COL9A3: variants seen among roughly 807,000 people sequenced by gnomAD.
COL9A3 encodes the protein collagen alpha-3(IX) chain.
In COL9A3, 82 loss-of-function variants were observed where a neutral mutation model predicts 110.2. The ratio of observed to expected loss-of-function variants is 0.74; its 90% CI spans 0.62 to 0.89. The LOEUF (loss-of-function observed/expected upper bound fraction) is 0.89, where lower values mean the gene tolerates loss of function less well. COL9A3 is among the 40% of genes least tolerant of loss of function. COL9A3 has a pLI of 0.00. For missense variants in COL9A3, 1,066 were observed against 981.3 expected (o/e 1.09, Z -1.15); for synonymous variants, 494 against 403.8 (o/e 1.22, Z -2.68).
At chr20:62,828,693 C>A (rs1038112059) in intron 17 of COL9A3, 71 bp from the exon 18 acceptor site, 6 of 1,558,106 alleles carry the variant, frequency 3.9e-6, no homozygotes, top group African/African-American at 1.4e-5. Flanking sequence ...GGAGGCTGCC[C>A]CCAGGGCAGG....
chr20:62,825,389 G>T, intron 12 of COL9A3: 1 of 333,282 alleles, frequency 3.0e-6, no homozygotes, highest in Non-Finnish European at 5.5e-6. Context: ...TGTGAGGATG[G>T]CTGGCTTTAG....
At chr20:62,829,427 G>A in intron 19 of COL9A3, 28 bp from the exon 20 acceptor site, 1 of 1,612,566 alleles carries the variant, frequency 6.2e-7, no homozygotes, top group Admixed American at 1.7e-5. Context: ...GTAACTGGCA[G>A]CCCTGACCGC....
rs1042345744 is a variant in COL9A3, at chr20:62,817,586, C to A, written c.98C>A (p.Pro33His). 3 of 1,540,640 alleles carry A rather than the reference C, an allele frequency of 1.9e-6. No homozygotes were observed. In the African/African-American group the frequency reaches 4.1e-5, roughly 21 times the overall value. ...AGAQRVGLPG[P>H]PGPPGPPGKP... The stretch of plus-strand genomic sequence containing the variant: ...TTTCAGAGAGTGGGACTCCCCGGCC[C>A]CCCCGGCCCCCCAGGGCCGCCCGGG... Residue 33 changes from proline to histidine, a missense_variant, in exon 2 of 32, where the codon CCC (proline) becomes CAC (histidine). Transcript: ENST00000649368.
At position 62,828,830 on chromosome 20, in the gene COL9A3, C is replaced by T; in HGVS notation, c.954+13C>T. ...CGATGGCCAGAAGGTTGGCATGGGG[C>T]TCAGGGTGTGACGGGAGGGAGGGGG... On this transcript the variant is annotated intron_variant, in intron 18 of 31. Coordinates refer to ENST00000649368, the MANE Select transcript of COL9A3 (RefSeq NM_001853.4). 6.2e-7 allele frequency: 1 copy of T among 1,612,934 alleles called. No homozygotes were observed. The highest frequency in any genetic ancestry group is 8.5e-7 in the Non-Finnish European group (1 of 1,179,998).
Position 62,840,987 on chromosome 20 carries a change from A to C in COL9A3, c.*255A>C, listed in dbSNP as rs546215907. ...AGAAGGTAGGGTGTGTATATATAAA[A>C]GGTTGTGTACAACTCCACGAGGTGA... On this transcript the variant is annotated 3_prime_UTR_variant, in exon 32 of 32. Transcript: ENST00000649368. 5.8e-6 allele frequency: 3 copies of C among 516,236 alleles called. No homozygotes were observed. The highest frequency in any genetic ancestry group is 4.2e-5 in the South Asian group (2 of 47,970). The allele number at this position is 516,236 out of a possible 1,614,324, so 32.0% of individuals were successfully genotyped here.
At chr20:62,828,165 G>C (rs1475081759) in intron 17 of COL9A3, among the ~76,000 whole-genome samples, 189 bp downstream of exon 17, 2 of 152,232 alleles carry the variant, frequency 1.3e-5, no homozygotes, top group Admixed American at 1.3e-4. Context: ...GAGTGTGCAG[G>C]AGTAGGGGCC....
At position 62,829,600 on chromosome 20, in the gene COL9A3, G is replaced by A. The variant is rs1420056124; in HGVS notation, c.1054-28G>A. 3 of 1,610,226 alleles carry A rather than the reference G, an allele frequency of 1.9e-6. No homozygotes were observed. In the South Asian group the frequency reaches 3.3e-5, roughly 18 times the overall value. Reference sequence around the variant, plus strand: ...CCTGGCCCCAGTGCAGGTGTAGGCAGGCACTCACAGCTCTCCTTCCTCTAC... The same window carrying A: ...CCTGGCCCCAGTGCAGGTGTAGGCAAGCACTCACAGCTCTCCTTCCTCTAC... On this transcript the variant is annotated intron_variant, in intron 20 of 31. Transcript: ENST00000649368.
rs779295260 is a variant in COL9A3, at chr20:62,819,307, C to A, written c.255+14C>A. On this transcript the variant is annotated intron_variant, in intron 4 of 31. Transcript: ENST00000649368. ...CCGGGTGTGGATGTGAGTGCGCCTGCCCCTCCCCGCCATGCCCCACTCCCC... is the reference window on the plus strand; with the variant it reads ...CCGGGTGTGGATGTGAGTGCGCCTGACCCTCCCCGCCATGCCCCACTCCCC... 1 of 1,598,400 alleles carries A rather than the reference C, an allele frequency of 6.3e-7. No homozygotes were observed.
In COL9A3 at chr20:62,840,585, T is replaced by A; in HGVS notation, c.1908T>A (p.Gly636=). The A allele has an allele frequency of 6.2e-7, 1 of 1,612,800 alleles. No homozygotes were observed. The highest frequency in any genetic ancestry group is 1.1e-5 in the South Asian group (1 of 91,030). Residue 636 remains glycine (G), a synonymous_variant, in exon 32 of 32, where the codon GGT becomes GGA. Coordinates refer to ENST00000649368, the MANE Select transcript of COL9A3 (RefSeq NM_001853.4). ...GCACCAGCAAGGACGGCCAGGACGG[T>A]GCTCCCGGCGAGCCTGGGCCTCCCG... ...VPGTSKDGQD[G]APGEPGPPGD... is the part of the protein sequence containing the mutation.
intron 28 of COL9A3, 60 bp from the exon 29 acceptor site, chr20:62,836,418 T>C (rs774887476): frequency 6.2e-7 from 1 of 1,613,618 alleles, no homozygotes; most frequent in African/African-American, 1.3e-5. Context: ...GGGGTGACGG[T>C]GGGAATGCCT....
At position 62,818,564 on chromosome 20, in the gene COL9A3, C is replaced by T. The variant is rs763592460; in HGVS notation, c.183+11C>T. 1.1e-4 allele frequency: 174 copies of T among 1,612,370 alleles called. No homozygotes were observed. Among genetic ancestry groups the T allele is most frequent in the Non-Finnish European group, 1.4e-4 (163 of 1,179,522 alleles). ...CTGCCTGGGCCCCCGGTGAGTGTCCCTGGCTGGGGAGACAGCCTTTTTCCA... is the reference window on the plus strand; with the variant it reads ...CTGCCTGGGCCCCCGGTGAGTGTCCTTGGCTGGGGAGACAGCCTTTTTCCA... On this transcript the variant is annotated intron_variant, in intron 3 of 31. Coordinates refer to ENST00000649368, the MANE Select transcript of COL9A3 (RefSeq NM_001853.4).
rs558300867 is a variant in COL9A3 at position 62,840,379 on chromosome 20, A to G, written c.1865-163A>G. Among the ~76,000 whole-genome samples, 140 of 126,830 alleles carry G rather than the reference A, an allele frequency of 1.1e-3. 1 individual carries two copies. In the South Asian group the frequency reaches 0.031, roughly 28 times the overall value. The allele number at this position is 126,830 out of a possible 152,430, so 83.2% of individuals were successfully genotyped here. On this transcript the variant is annotated intron_variant, in intron 31 of 31. Transcript: ENST00000649368. ...ACACTCCCGACCGCCAGCCCCGCGG[A>G]GAGCCTTTGTGTGCCGTTCCCTCGG...
chr20:62,840,281 AAGTC>A (rs1034752541), intron 31 of COL9A3, among the ~76,000 whole-genome samples: 6 of 150,614 alleles, frequency 4.0e-5, no homozygotes, highest in Non-Finnish European at 8.9e-5. Context: ...AAACCCGCGT[AAGTC>A]AGAGTGCGGG....
At chr20:62,837,780 T>C (rs1031036722) in intron 30 of COL9A3, among the ~76,000 whole-genome samples, 6 of 150,834 alleles carry the variant, frequency 4.0e-5, no homozygotes, top group Non-Finnish European at 8.8e-5. Flanking sequence ...GCACTCCAGC[T>C]TGGGCGACAG....
At chr20:62,839,373 G>A (rs4809261) in intron 31 of COL9A3, among the ~76,000 whole-genome samples, 40,875 of 152,116 alleles carry the variant, frequency 0.27, 5,693 homozygotes, top group Middle Eastern at 0.33. Context: ...CTGTGCATAC[G>A]TTGAATATTT....
In COL9A3 at chr20:62,827,355, G is replaced by C. The variant is rs571407174; in HGVS notation, c.846+61G>C. 56 of 1,550,040 alleles carry C rather than the reference G, an allele frequency of 3.6e-5. 1 individual carries two copies. In the Admixed American group the frequency reaches 7.6e-4, roughly 21 times the overall value. ...TGTGGAAGAACCCAATTTCCCTCCT[G>C]ACTCGTGCTGGGGAGGGGGACACAC... On this transcript the variant is annotated intron_variant, in intron 16 of 31. Coordinates refer to ENST00000649368, the MANE Select transcript of COL9A3 (RefSeq NM_001853.4).
At chr20:62,831,871 A>G (rs990611316) in intron 24 of COL9A3, 1 of 525,858 alleles carries the variant, frequency 1.9e-6, no homozygotes, top group Non-Finnish European at 3.5e-6. Flanking sequence ...ATTATCCTGC[A>G]ATTGTGCAGA....
chr20:62,824,634 TAGGCCAG>T, intron 11 of COL9A3, 133 bp downstream of exon 11: 1 of 959,984 alleles, frequency 1.0e-6, no homozygotes, highest in Non-Finnish European at 1.6e-6. Context: ...GGAAGAAAGC[TAGGCCAG>T]CCTCCTTGTC....
chr20:62,835,526 G>C (rs565134532), intron 26 of COL9A3, among the ~76,000 whole-genome samples: 1 of 152,184 alleles, frequency 6.6e-6, no homozygotes, highest in African/African-American at 2.4e-5. Flanking sequence ...ACATTAACCC[G>C]GCTGACTGTG....
Sources: gnomAD v4.1 joint callset for allele counts (sites outside exome capture counted in the v4.1 genomes callset) on GRCh38, gnomAD v4.1.1 for gene constraint, MANE v1.5 for transcripts, NCBI Gene and HGNC (gene_info 2026-07-23, HGNC 2026-07-21) for gene names.